EXT2: variants seen among roughly 807,000 people sequenced by gnomAD.
EXT2 encodes exostosin glycosyltransferase 2, also known as exostosin-2.
Under a neutral mutation model 81.6 loss-of-function variants are expected in EXT2, and 53 were observed. That is an observed-to-expected ratio of 0.65 (90% CI 0.52 to 0.82). The LOEUF is 0.82. Ranked by LOEUF, EXT2 falls within the 40% of genes least tolerant of loss-of-function variation. The probability of loss-of-function intolerance (pLI) is 0.00; values close to 1 mark genes in which losing one functional copy is unlikely to be tolerated. For missense variants in EXT2, 774 were observed against 910.2 expected (o/e 0.85, Z 1.93); for synonymous variants, 320 against 340.0 (o/e 0.94, Z 0.65).
At chr11:44,174,582 T>C (rs1346972453) in intron 8 of EXT2, among the ~76,000 whole-genome samples, 1 of 152,134 alleles carries the variant, frequency 6.6e-6, no homozygotes, top group South Asian at 2.1e-4. Context: ...TGTAAATTAA[T>C]TTTGCAACTA....
At chr11:44,160,125 A>G (rs1214190356) in intron 7 of EXT2, among the ~76,000 whole-genome samples, 1 of 152,240 alleles carries the variant, frequency 6.6e-6, no homozygotes, top group Middle Eastern at 3.2e-3. Flanking sequence ...TTCTGGTGGT[A>G]AAACTCTGGA....
rs1471052314 is a variant in EXT2 at position 44,220,971 on chromosome 11, G to GA, written c.1663-11375dup. Among the ~76,000 whole-genome samples, 32 of 152,072 alleles carry GA rather than the reference G, an allele frequency of 2.1e-4. No individual in the cohort carries two copies. The highest frequency in any genetic ancestry group is 1.3e-4 in the Admixed American group (2 of 15,282). On this transcript the variant is annotated intron_variant, in intron 10 of 13. Transcript: ENST00000533608. This position sits in a 1 kb window ranked among gnomAD's most constrained non-coding sequence, Gnocchi z 4.4. ...AACATTGAAATAACATCTGATCATTGAAAAAAAGCACCTAGTTGGGAATTA... is the reference window on the plus strand; with the variant it reads ...AACATTGAAATAACATCTGATCATTGAAAAAAAAGCACCTAGTTGGGAATTA...
chr11:44,111,785 TAGAA>T (rs1590552802), intron 3 of EXT2, among the ~76,000 whole-genome samples: 2 of 152,214 alleles, frequency 1.3e-5, no homozygotes, highest in East Asian at 3.8e-4. Context: ...CTAGATTATC[TAGAA>T]ACAAATGCCA....
intron 6 of EXT2, among the ~76,000 whole-genome samples, chr11:44,127,727 T>C (rs1332372920): frequency 6.6e-6 from 1 of 152,180 alleles, no homozygotes; most frequent in East Asian, 1.9e-4. Context: ...CTTGCCTAAT[T>C]CTTGGGGATT....
intron 7 of EXT2, among the ~76,000 whole-genome samples, chr11:44,153,402 TTTG>T (rs1162873897): frequency 3.3e-5 from 5 of 152,128 alleles, no homozygotes; most frequent in Non-Finnish European, 5.9e-5. Context: ...TTAGTTCCAT[TTTG>T]TTGTTGTTGT....
intron 7 of EXT2, among the ~76,000 whole-genome samples, chr11:44,149,179 C>T (rs927823646): frequency 2.0e-5 from 3 of 152,048 alleles, no homozygotes; most frequent in Non-Finnish European, 2.9e-5. Context: ...CTGGGCAACA[C>T]AGCAAGGCCC....
chr11:44,183,145 G>C (rs1180520819), intron 8 of EXT2, among the ~76,000 whole-genome samples: 1 of 152,206 alleles, frequency 6.6e-6, no homozygotes, highest in African/African-American at 2.4e-5. Flanking sequence ...GAGAACACAT[G>C]ATGTCAATTT....
chr11:44,134,638 C>T (rs185192062), intron 7 of EXT2, among the ~76,000 whole-genome samples: 103 of 152,308 alleles, frequency 6.8e-4, no homozygotes, highest in African/African-American at 2.4e-3. Context: ...AAAAAGTACA[C>T]AATCTGGGAT....
rs974347714 is a variant in EXT2 at position 44,112,845 on chromosome 11, C to A, written c.627-1340C>A. The stretch of plus-strand genomic sequence containing the variant: ...GCTTCCTTTCTCTGCACATACACAC[C>A]CACTTCTCCTCTGGGGCTGTGAGTG... On this transcript the variant is annotated intron_variant, in intron 3 of 13. Coordinates refer to ENST00000533608, the MANE Select transcript of EXT2 (RefSeq NM_207122.2). Among the ~76,000 whole-genome samples, 14 of 152,112 alleles carry A rather than the reference C, an allele frequency of 9.2e-5. 1 individual carries two copies. The highest frequency in any genetic ancestry group is 8.5e-4 in the Admixed American group (13 of 15,270).
chr11:44,228,985 A>T (rs1465250302), intron 10 of EXT2, among the ~76,000 whole-genome samples: 2 of 152,188 alleles, frequency 1.3e-5, no homozygotes, highest in Non-Finnish European at 2.9e-5. Context: ...AGCAACTTCC[A>T]TCTTCAGCAG....
At chr11:44,133,099 G>A (rs1954517388) in intron 7 of EXT2, among the ~76,000 whole-genome samples, 1 of 152,170 alleles carries the variant, frequency 6.6e-6, no homozygotes, top group South Asian at 2.1e-4. Context: ...TGGGGTTGGG[G>A]GTGGAGGGCA....
At chr11:44,190,100 G>A (rs946064629) in intron 8 of EXT2, among the ~76,000 whole-genome samples, 4 of 152,110 alleles carry the variant, frequency 2.6e-5, no homozygotes, top group Admixed American at 6.5e-5. Context: ...CTCTTTCATT[G>A]CCCTGCTTCA....
chr11:44,127,505 A>G (rs1167366594), intron 6 of EXT2, among the ~76,000 whole-genome samples: 1 of 152,208 alleles, frequency 6.6e-6, no homozygotes, highest in Non-Finnish European at 1.5e-5. Flanking sequence ...AATTTAACTA[A>G]TGCCTGATGA....
At chr11:44,223,879 C>T (rs1308242654) in intron 10 of EXT2, among the ~76,000 whole-genome samples, 1 of 152,146 alleles carries the variant, frequency 6.6e-6, no homozygotes, top group Non-Finnish European at 1.5e-5. Context: ...TCTCGATCTC[C>T]TGACCTTGTG....
intron 10 of EXT2, among the ~76,000 whole-genome samples, chr11:44,222,849 A>G (rs1002773227): frequency 1.3e-5 from 2 of 152,236 alleles, no homozygotes; most frequent in Admixed American, 6.5e-5. Context: ...AAGACAAGCT[A>G]TATACTTGGA....
At chr11:44,146,836 G>T (rs1043894844) in intron 7 of EXT2, among the ~76,000 whole-genome samples, 2 of 152,122 alleles carry the variant, frequency 1.3e-5, no homozygotes, top group African/African-American at 4.8e-5. Flanking sequence ...AAGGTTGAAG[G>T]TTCAGGATTC....
chr11:44,152,127 G>A (rs745825049), intron 7 of EXT2, among the ~76,000 whole-genome samples: 8 of 152,106 alleles, frequency 5.3e-5, no homozygotes, highest in Non-Finnish European at 1.0e-4. Flanking sequence ...TCCCTTATTA[G>A]TCGTGTCCTT....
intron 3 of EXT2, among the ~76,000 whole-genome samples, chr11:44,109,590 G>C (rs1470173956): frequency 6.6e-6 from 1 of 152,144 alleles, no homozygotes; most frequent in African/African-American, 2.4e-5. Context: ...GAATTCGGGA[G>C]CATTTGCCAC....
intron 7 of EXT2, among the ~76,000 whole-genome samples, chr11:44,165,033 C>G (rs552465506): frequency 6.6e-6 from 1 of 151,842 alleles, no homozygotes; most frequent in African/African-American, 2.4e-5. Context: ...CGCCCGCCAC[C>G]ACGCCCGGCT....
Sources: allele counts gnomAD v4.1 joint callset (sites outside exome capture counted in the v4.1 genomes callset), GRCh38; gene constraint gnomAD v4.1.1; non-coding constraint Gnocchi (gnomAD v3.1); transcripts MANE v1.5; gene names NCBI Gene and HGNC (gene_info 2026-07-23, HGNC 2026-07-21).